The following CTIF variants were observed in gnomAD, a reference collection of about 807,000 sequenced individuals.
CTIF encodes the protein cap binding complex dependent translation initiation factor.
Under a neutral mutation model 66.0 loss-of-function variants are expected in CTIF, and 21 were observed. The observed-to-expected ratio is 0.32, with a 90% confidence interval of 0.23 to 0.46. The LOEUF is 0.46. Ranked by LOEUF, CTIF falls within the 20% of genes least tolerant of loss-of-function variation. The pLI, the probability that CTIF is intolerant of heterozygous loss-of-function variation, is 1.00. For missense variants in CTIF, 739 were observed against 812.7 expected, an observed-to-expected ratio of 0.91 and a Z score of 1.10; for synonymous variants, 345 against 326.4, an observed-to-expected ratio of 1.06 and a Z score of -0.62.
In CTIF at chr18:48,787,856, G is replaced by T. The variant is rs933769205; in HGVS notation, c.1371+26167G>T. On this transcript the variant is annotated intron_variant, in intron 9 of 11. Coordinates refer to ENST00000256413, the MANE Select transcript of CTIF (RefSeq NM_014772.3). ...CACCCAGTTCCCCAGCACCCTGAGG[G>T]GACTGGCCACACAGAAAGGCATGAG... Among the ~76,000 whole-genome samples, 3 of 152,300 alleles carry T rather than the reference G, an allele frequency of 2.0e-5. No homozygotes were observed. The East Asian group carries it at 5.8e-4, about 29-fold the overall frequency.
At chr18:48,746,809 TTC>T (rs1348156074) in intron 7 of CTIF, among the ~76,000 whole-genome samples, 4 of 152,100 alleles carry the variant, frequency 2.6e-5, no homozygotes, top group Non-Finnish European at 4.4e-5. Context: ...TCCCCACTAC[TTC>T]TCTGTCTCCA....
intron 9 of CTIF, among the ~76,000 whole-genome samples, chr18:48,776,260 C>T (rs902476594): frequency 6.6e-6 from 1 of 152,244 alleles, no homozygotes; most frequent in Non-Finnish European, 1.5e-5. Context: ...CCCATGTGCC[C>T]CAACCAGCCC....
intron 7 of CTIF, among the ~76,000 whole-genome samples, chr18:48,749,974 A>G (rs1219314306): frequency 6.6e-6 from 1 of 150,952 alleles, no homozygotes; most frequent in Non-Finnish European, 1.5e-5. Context: ...GAGCCTGGCG[A>G]CTCCCCAGGG....
intron 9 of CTIF, among the ~76,000 whole-genome samples, chr18:48,780,753 A>C (rs1048636194): frequency 2.0e-5 from 3 of 152,176 alleles, no homozygotes; most frequent in African/African-American, 7.2e-5. Context: ...GAGCCAGTGG[A>C]ATAAGGGCCC....
chr18:48,550,721 C>G (rs922666985), intron 1 of CTIF, among the ~76,000 whole-genome samples: 1 of 152,178 alleles, frequency 6.6e-6, no homozygotes, highest in Non-Finnish European at 1.5e-5. Context: ...CCTATCTGTC[C>G]CCTGGGATCA....
intron 6 of CTIF, among the ~76,000 whole-genome samples, chr18:48,686,641 G>C (rs1047832247): frequency 2.0e-5 from 3 of 152,156 alleles, no homozygotes; most frequent in South Asian, 4.1e-4. Flanking sequence ...TTTGCCTGGT[G>C]GTGGGGACCA....
chr18:48,597,582 T>A (rs2090010095), intron 1 of CTIF, among the ~76,000 whole-genome samples: 1 of 120,626 alleles, frequency 8.3e-6, no homozygotes, highest in African/African-American at 3.1e-5. Flanking sequence ...CCTGCCTTGC[T>A]CCTGCCCTGG....
chr18:48,855,679 TGACGCATCAG>T (rs2069312063), intron 10 of CTIF, among the ~76,000 whole-genome samples: 2 of 152,184 alleles, frequency 1.3e-5, no homozygotes, highest in Non-Finnish European at 1.5e-5. Context: ...GGGACCAGGA[TGACGCATCAG>T]GACGCGGGAC....
intron 6 of CTIF, among the ~76,000 whole-genome samples, chr18:48,676,899 G>A (rs1407259208): frequency 1.3e-5 from 2 of 151,994 alleles, no homozygotes; most frequent in African/African-American, 4.8e-5. Context: ...ACACTCAGGT[G>A]TCCCTCACTC....
intron 7 of CTIF, among the ~76,000 whole-genome samples, chr18:48,742,400 T>C (rs1206832366): frequency 2.3e-4 from 35 of 152,244 alleles, no homozygotes; most frequent in Admixed American, 2.3e-3. Flanking sequence ...ATCCAAACCC[T>C]TGTGGATGCT....
chr18:48,790,776 C>T (rs1483014627), intron 9 of CTIF, among the ~76,000 whole-genome samples: 3 of 152,176 alleles, frequency 2.0e-5, no homozygotes, highest in Admixed American at 2.0e-4. Flanking sequence ...GAGCCACGGG[C>T]GCCTGCAGTC....
At chr18:48,781,629 T>C (rs1364255778) in intron 9 of CTIF, among the ~76,000 whole-genome samples, 4 of 152,022 alleles carry the variant, frequency 2.6e-5, no homozygotes, top group Non-Finnish European at 1.5e-5. Flanking sequence ...AGCAGCAGGG[T>C]TCAGGGCCTG....
chr18:48,589,718 C>T (rs1438299700), intron 1 of CTIF, among the ~76,000 whole-genome samples: 1 of 152,164 alleles, frequency 6.6e-6, no homozygotes, highest in Non-Finnish European at 1.5e-5. Context: ...TTTGTAAGAC[C>T]TGTATCATTA....
chr18:48,846,086 C>G (rs1432001776), intron 10 of CTIF, among the ~76,000 whole-genome samples: 1 of 152,212 alleles, frequency 6.6e-6, no homozygotes, highest in African/African-American at 2.4e-5. Context: ...GCTCTCCAGT[C>G]CCTTGGGATA....
At chr18:48,556,025 A>G (rs923994041) in intron 1 of CTIF, among the ~76,000 whole-genome samples, 2 of 152,180 alleles carry the variant, frequency 1.3e-5, no homozygotes, top group African/African-American at 4.8e-5. Flanking sequence ...AGTCTGGGCC[A>G]TTTCTGGAAG....
intron 6 of CTIF, among the ~76,000 whole-genome samples, chr18:48,680,001 C>T (rs986514453): frequency 9.2e-5 from 14 of 152,102 alleles, no homozygotes; most frequent in Admixed American, 3.3e-4. Flanking sequence ...TGGCCCTGGA[C>T]GTCTTGGGAC....
intron 3 of CTIF, among the ~76,000 whole-genome samples, chr18:48,640,873 C>G (rs76316231): frequency 0.014 from 2,175 of 151,856 alleles, 55 homozygotes; most frequent in African/African-American, 0.05. Flanking sequence ...TTTTCTGAAC[C>G]CTTTCAGAGG....
At chr18:48,625,286 T>C in intron 2 of CTIF, 1 of 840,196 alleles carries the variant, frequency 1.2e-6, no homozygotes, top group Admixed American at 6.2e-5. Context: ...GGATTTATTA[T>C]ATATTTTCCC....
intron 9 of CTIF, among the ~76,000 whole-genome samples, chr18:48,814,412 G>C (rs1290029868): frequency 6.6e-6 from 1 of 152,174 alleles, no homozygotes; most frequent in Non-Finnish European, 1.5e-5. Context: ...AGTTCCTCCA[G>C]GTGACTCCAA....
Sources: gnomAD v4.1 joint callset for allele counts (sites outside exome capture counted in the v4.1 genomes callset) on GRCh38, gnomAD v4.1.1 for gene constraint, MANE v1.5 for transcripts, NCBI Gene and HGNC (gene_info 2026-07-23, HGNC 2026-07-21) for gene names.